Variants in TBC1D22A observed in about 807,000 individuals in gnomAD.
TBC1D22A encodes TBC1 domain family member 22A.
Under a neutral mutation model 60.2 loss-of-function variants are expected in TBC1D22A, and 38 were observed. The observed-to-expected ratio is 0.63, with a 90% CI of 0.49 to 0.83. TBC1D22A has a LOEUF of 0.83. Ranked by LOEUF, TBC1D22A falls within the 40% of genes least tolerant of loss-of-function variation. The pLI, the probability that TBC1D22A is intolerant of heterozygous loss-of-function variation, is 0.00. For missense variants in TBC1D22A, 628 were observed against 701.0 expected (o/e 0.90, Z 1.18); for synonymous variants, 302 against 281.7 (o/e 1.07, Z -0.72).
At chr22:46,827,404 G>T (rs1004086605) in intron 4 of TBC1D22A, among the ~76,000 whole-genome samples, 2 of 152,228 alleles carry the variant, frequency 1.3e-5, no homozygotes, top group Non-Finnish European at 2.9e-5. Context: ...GGTGCAGCTT[G>T]TGTTTCTAAA....
intron 1 of TBC1D22A, among the ~76,000 whole-genome samples, chr22:46,782,995 G>A (rs1385098640): frequency 1.3e-5 from 2 of 152,146 alleles, no homozygotes; most frequent in African/African-American, 2.4e-5. Flanking sequence ...TGGGTCATGC[G>A]ATAACTCCAT....
intron 8 of TBC1D22A, among the ~76,000 whole-genome samples, chr22:46,922,234 A>G (rs929326458): frequency 3.9e-5 from 6 of 152,020 alleles, no homozygotes; most frequent in Non-Finnish European, 7.4e-5. Flanking sequence ...CTTCTGTTCC[A>G]TTGGTCTGTG....
intron 8 of TBC1D22A, among the ~76,000 whole-genome samples, chr22:46,918,941 C>T (rs2070562052): frequency 1.3e-5 from 2 of 152,178 alleles, no homozygotes; most frequent in African/African-American, 4.8e-5. Flanking sequence ...GTCCCCCACC[C>T]ACTCCCAACC....
intron 12 of TBC1D22A, among the ~76,000 whole-genome samples, chr22:47,113,555 C>T (rs771472342): frequency 2.6e-5 from 4 of 152,214 alleles, no homozygotes; most frequent in Non-Finnish European, 5.9e-5. Context: ...CTCTAAGCCA[C>T]ACATATGCGA....
chr22:47,108,661 C>T (rs767470708), intron 11 of TBC1D22A, among the ~76,000 whole-genome samples: 4 of 152,196 alleles, frequency 2.6e-5, no homozygotes, highest in Non-Finnish European at 4.4e-5. Context: ...CAAAACTTAT[C>T]AAATTATAAA....
chr22:46,897,650 G>GTTT (rs1569189591), intron 7 of TBC1D22A, among the ~76,000 whole-genome samples: 5 of 92,648 alleles, frequency 5.4e-5, no homozygotes, highest in African/African-American at 2.3e-4. Flanking sequence ...GTTTTTTTTT[G>GTTT]TGTTTTTTTT....
At chr22:46,814,076 C>T (rs1181619672) in intron 4 of TBC1D22A, among the ~76,000 whole-genome samples, 3 of 152,314 alleles carry the variant, frequency 2.0e-5, no homozygotes, top group Middle Eastern at 3.4e-3. Flanking sequence ...CACAGGCTGG[C>T]GTGGCAGGAG....
At chr22:47,146,416 G>A (rs141805001) in intron 12 of TBC1D22A, among the ~76,000 whole-genome samples, 151 of 152,280 alleles carry the variant, frequency 9.9e-4, no homozygotes, top group African/African-American at 3.4e-3. Context: ...CAGAAGAGAC[G>A]TTAGAAAAAA....
chr22:46,907,955 A>G (rs1346540393), intron 7 of TBC1D22A, among the ~76,000 whole-genome samples: 1 of 152,192 alleles, frequency 6.6e-6, no homozygotes, highest in East Asian at 1.9e-4. Context: ...GCCCTGAGAC[A>G]GCCGCAGAGT....
chr22:47,015,217 G>T (rs1341050545), intron 10 of TBC1D22A, among the ~76,000 whole-genome samples: 2 of 152,220 alleles, frequency 1.3e-5, no homozygotes, highest in Admixed American at 1.3e-4. Context: ...GTCAGCCATG[G>T]GCTTGGTGAT....
At chr22:46,905,817 C>A (rs1310374029) in intron 7 of TBC1D22A, among the ~76,000 whole-genome samples, 1 of 152,244 alleles carries the variant, frequency 6.6e-6, no homozygotes, top group East Asian at 1.9e-4. Flanking sequence ...CTCCATCCTT[C>A]TGGGGGCATG....
intron 11 of TBC1D22A, among the ~76,000 whole-genome samples, chr22:47,052,908 T>C (rs1298072301): frequency 6.6e-6 from 1 of 152,234 alleles, no homozygotes; most frequent in Non-Finnish European, 1.5e-5. Flanking sequence ...TATCCCCGTG[T>C]TGATGGTCTT....
At chr22:47,090,139 A>G (rs2064860243) in intron 11 of TBC1D22A, among the ~76,000 whole-genome samples, 2 of 152,152 alleles carry the variant, frequency 1.3e-5, no homozygotes, top group African/African-American at 4.8e-5. Flanking sequence ...ACCCCAGCAA[A>G]GTGGTTCTCC....
intron 1 of TBC1D22A, chr22:46,789,283 G>T (rs946050571): frequency 2.8e-6 from 1 of 357,750 alleles, no homozygotes; most frequent in Non-Finnish European, 5.8e-6. Context: ...GTGCCACCAA[G>T]CCCGGCTAAT....
chr22:46,819,636 C>T (rs113694666), intron 4 of TBC1D22A, among the ~76,000 whole-genome samples: 4 of 152,052 alleles, frequency 2.6e-5, no homozygotes, highest in South Asian at 4.2e-4. Flanking sequence ...GGATTTGGTT[C>T]GCCAGTATTT....
At chr22:47,000,624 C>T (rs2075279782) in intron 10 of TBC1D22A, among the ~76,000 whole-genome samples, 1 of 152,118 alleles carries the variant, frequency 6.6e-6, no homozygotes, top group Non-Finnish European at 1.5e-5. Flanking sequence ...GGGGAACTCC[C>T]TGGGAAGCCC....
chr22:46,854,270 A>T (rs914327065), intron 4 of TBC1D22A, among the ~76,000 whole-genome samples: 1 of 152,108 alleles, frequency 6.6e-6, no homozygotes, highest in Non-Finnish European at 1.5e-5. Context: ...TCCTTTCCTC[A>T]TTTGTAAAAT....
chr22:47,105,155 A>T (rs7287324), intron 11 of TBC1D22A, among the ~76,000 whole-genome samples: 1,665 of 152,142 alleles, frequency 0.011, 33 homozygotes, highest in African/African-American at 0.038. Context: ...CAATAATATC[A>T]TAAAAAAAAA....
At chr22:47,086,119 C>CT (rs1216019041) in intron 11 of TBC1D22A, among the ~76,000 whole-genome samples, 1 of 152,234 alleles carries the variant, frequency 6.6e-6, no homozygotes, top group Non-Finnish European at 1.5e-5. Context: ...CAGCGCTCTT[C>CT]TGGGAGCGCT....
Sources: allele counts gnomAD v4.1 joint callset (sites outside exome capture counted in the v4.1 genomes callset), GRCh38; gene constraint gnomAD v4.1.1; transcripts MANE v1.5; gene names NCBI Gene and HGNC (gene_info 2026-07-23, HGNC 2026-07-21).